The following CHFR variants were observed in gnomAD, a reference collection of about 807,000 sequenced individuals.
The protein encoded by CHFR is checkpoint with forkhead and ring finger domains, also known as E3 ubiquitin-protein ligase CHFR.
A neutral mutation model predicts 87.6 loss-of-function variants in CHFR; 57 were observed. That is an observed-to-expected ratio of 0.65 (90% CI 0.53 to 0.81). The LOEUF is 0.81. Ranked by LOEUF, CHFR falls within the 30% of genes least tolerant of loss-of-function variation. The pLI, the probability that CHFR is intolerant of heterozygous loss-of-function variation, is 0.00. For synonymous variants in CHFR, 381 were observed against 359.2 expected (o/e 1.06, Z -0.69); for missense variants, 797 against 865.8 (o/e 0.92, Z 1.00).
intron 6 of CHFR, among the ~76,000 whole-genome samples, chr12:132,865,449 G>C (rs1464685532): frequency 6.6e-6 from 1 of 151,716 alleles, no homozygotes; most frequent in African/African-American, 2.4e-5. Flanking sequence ...CCGCCTCCCA[G>C]CCTCAGGTGA....
At chr12:132,848,886 G>C in intron 12 of CHFR, 162 bp from the exon 13 acceptor site, 1 of 587,992 alleles carries the variant, frequency 1.7e-6, no homozygotes, top group Non-Finnish European at 3.1e-6. Context: ...CGCCACCCAG[G>C]TTGTGATGGA....
chr12:132,870,851 T>A, intron 4 of CHFR, 68 bp from the exon 5 acceptor site: 1 of 924,726 alleles, frequency 1.1e-6, no homozygotes, highest in Non-Finnish European at 1.8e-6. Flanking sequence ...ATTTTTCTCT[T>A]CTGTTCTCCA....
chr12:132,863,098 G>A (rs1490945151), intron 6 of CHFR, among the ~76,000 whole-genome samples: 10 of 147,478 alleles, frequency 6.8e-5, no homozygotes, highest in South Asian at 4.4e-4. Flanking sequence ...GGGTTTCACC[G>A]TGTTAGCCAG....
chr12:132,862,116 T>C (rs913433603), intron 6 of CHFR, among the ~76,000 whole-genome samples: 8 of 151,610 alleles, frequency 5.3e-5, no homozygotes, highest in African/African-American at 1.7e-4. Flanking sequence ...CTACTAAAAA[T>C]ACAAAAAAAT....
chr12:132,850,768 C>T (rs1218430616), intron 12 of CHFR, among the ~76,000 whole-genome samples: 2 of 152,052 alleles, frequency 1.3e-5, no homozygotes, highest in Admixed American at 6.6e-5. Flanking sequence ...CCGGTGTGTG[C>T]GGCAGGAGCC....
At chr12:132,861,050 G>T (rs1951199000) in intron 7 of CHFR, among the ~76,000 whole-genome samples, 1 of 152,108 alleles carries the variant, frequency 6.6e-6, no homozygotes, top group Non-Finnish European at 1.5e-5. Context: ...ACGGTGTCAG[G>T]CTTGATTTTT....
At position 132,877,496 on chromosome 12, in the gene CHFR, G is replaced by C. The variant is rs1355433213; in HGVS notation, c.233+59C>G. On this transcript the variant is annotated intron_variant, in intron 3 of 17. Coordinates refer to ENST00000450056, the MANE Select transcript of CHFR (RefSeq NM_001161346.2). ...AGCCGTGGCACACAGCACAGAGCAC[G>C]AAGTCAGGCTTCTTAAGCTACAAGA... is the stretch of plus-strand genomic sequence containing the variant. 4 of 1,196,024 alleles carry C rather than the reference G, an allele frequency of 3.3e-6. No individual in the cohort carries two copies. In the South Asian group the frequency reaches 5.4e-5, roughly 16 times the overall value. 74.1% of individuals were successfully genotyped at this position (1,196,024 alleles called of 1,614,324 possible). A position where few individuals can be genotyped will look rare whatever the true frequency, so the allele number is the denominator to read the frequency against.
chr12:132,855,863 G>C (rs1025323854), intron 10 of CHFR, among the ~76,000 whole-genome samples: 1 of 150,012 alleles, frequency 6.7e-6, no homozygotes, highest in Non-Finnish European at 1.5e-5. Context: ...GTTTTTTTTT[G>C]TCGTTCATTG....
At chr12:132,885,918 G>C (rs530040541) in intron 2 of CHFR, among the ~76,000 whole-genome samples, 6 of 152,242 alleles carry the variant, frequency 3.9e-5, no homozygotes, top group African/African-American at 1.2e-4. Context: ...TTGTCTTAAA[G>C]GGATAATTTT....
At position 132,840,110 on chromosome 12, in the gene CHFR, A is replaced by G. The variant is rs1006166894; in HGVS notation, c.*1444T>C. 2 of 153,894 alleles carry G rather than the reference A, an allele frequency of 1.3e-5. No homozygotes were observed. Among genetic ancestry groups the G allele is most frequent in the Non-Finnish European group, 2.9e-5 (2 of 68,940 alleles). 9.5% of individuals were successfully genotyped at this position (153,894 alleles called of 1,614,324 possible). A position where few individuals can be genotyped will look rare whatever the true frequency, so the allele number is the denominator to read the frequency against. Reference sequence around the variant, plus strand: ...CCTTGCACAAACTCAGGGTCTCTGCATTGTGGCTTCTTCTGGTGCTCAGCT... The same window carrying G: ...CCTTGCACAAACTCAGGGTCTCTGCGTTGTGGCTTCTTCTGGTGCTCAGCT... On this transcript the variant is annotated 3_prime_UTR_variant, in exon 18 of 18. Coordinates refer to ENST00000450056, the MANE Select transcript of CHFR (RefSeq NM_001161346.2).
At chr12:132,851,038 T>C (rs1950932467) in intron 12 of CHFR, among the ~76,000 whole-genome samples, 1 of 151,218 alleles carries the variant, frequency 6.6e-6, no homozygotes, top group African/African-American at 2.4e-5. Context: ...TCGCCAAGGC[T>C]GGAGTACAGT....
intron 3 of CHFR, 59 bp downstream of exon 3, chr12:132,877,496 G>T: frequency 8.4e-7 from 1 of 1,196,024 alleles, no homozygotes; most frequent in Non-Finnish European, 1.2e-6. Flanking sequence ...CACAGAGCAC[G>T]AAGTCAGGCT....
intron 6 of CHFR, among the ~76,000 whole-genome samples, chr12:132,865,588 G>A (rs1160397882): frequency 2.0e-5 from 3 of 151,098 alleles, no homozygotes; most frequent in African/African-American, 7.3e-5. Flanking sequence ...GGCCAGGTAG[G>A]TCTCAAGCTC....
intron 17 of CHFR, 94 bp downstream of exon 17, chr12:132,842,917 G>A: frequency 1.9e-6 from 2 of 1,038,586 alleles, no homozygotes; most frequent in Non-Finnish European, 2.9e-6. Flanking sequence ...TGCAACCTGA[G>A]AGAAGCATAA....
rs1297103590 is a variant in CHFR at position 132,840,289 on chromosome 12, G to A, written c.*1265C>T. 1 of 152,030 alleles carries A rather than the reference G, an allele frequency of 6.6e-6. No homozygotes were observed. Among genetic ancestry groups the A allele is most frequent in the Non-Finnish European group, 1.5e-5 (1 of 67,976 alleles). The allele number at this position is 152,030 out of a possible 1,614,324, so 9.4% of individuals were successfully genotyped here. On this transcript the variant is annotated 3_prime_UTR_variant, in exon 18 of 18. Coordinates refer to ENST00000450056, the MANE Select transcript of CHFR (RefSeq NM_001161346.2). The stretch of plus-strand genomic sequence containing the variant: ...GAGGCACTCGGAGCTCACTCTGCAT[G>A]GGGCCTGCCTCCCTCGCATGGGGAA...
chr12:132,861,890 C>G (rs1304851806), intron 6 of CHFR: 4 of 477,014 alleles, frequency 8.4e-6, no homozygotes, highest in Non-Finnish European at 1.5e-5. Context: ...TGTCTGTGAC[C>G]AGGCTTAGCC....
rs147521868 is a variant in CHFR at position 132,876,367 on chromosome 12, T to C, written c.233+1188A>G. Reference sequence around the variant, plus strand: ...TCAGAAATGTGAAATCCAAAACTTTTTGAGCACCAACAAGACACTCAAAAA... The same window carrying C: ...TCAGAAATGTGAAATCCAAAACTTTCTGAGCACCAACAAGACACTCAAAAA... On this transcript the variant is annotated intron_variant, in intron 3 of 17. Coordinates refer to ENST00000450056, the MANE Select transcript of CHFR (RefSeq NM_001161346.2). Among the ~76,000 whole-genome samples the C allele has an allele frequency of 1.8e-4, 27 of 152,304 alleles. 1 individual carries two copies. The East Asian group carries it at 4.8e-3, about 27-fold the overall frequency.
At chr12:132,870,825 T>C in intron 4 of CHFR, 42 bp from the exon 5 acceptor site, 8 of 1,321,890 alleles carry the variant, frequency 6.1e-6, no homozygotes, top group Non-Finnish European at 8.7e-6. Flanking sequence ...GTGGCCCCTG[T>C]GCAAACTGAG....
In CHFR at chr12:132,841,460, G is replaced by T. The variant is rs1950702902; in HGVS notation, c.*94C>A. On this transcript the variant is annotated 3_prime_UTR_variant, in exon 18 of 18. Coordinates refer to ENST00000450056, the MANE Select transcript of CHFR (RefSeq NM_001161346.2). ...AGACCCTGCGTCCCTTCCCTCAGGG[G>T]GCTGTGAAAACACCTTGACGTGCTT... is the stretch of plus-strand genomic sequence containing the variant. 1 of 1,096,592 alleles carries T rather than the reference G, an allele frequency of 9.1e-7. No homozygotes were observed. Among genetic ancestry groups the T allele is most frequent in the Non-Finnish European group, 1.4e-6 (1 of 709,442 alleles). 67.9% of individuals were successfully genotyped at this position (1,096,592 alleles called of 1,614,324 possible).
Sources: gnomAD v4.1 joint callset for allele counts (sites outside exome capture counted in the v4.1 genomes callset) on GRCh38, gnomAD v4.1.1 for gene constraint, MANE v1.5 for transcripts, NCBI Gene and HGNC (gene_info 2026-07-23, HGNC 2026-07-21) for gene names.